Variants in ANK2 observed in about 807,000 individuals in gnomAD.
ANK2 encodes ankyrin-2.
A neutral mutation model predicts 360.5 loss-of-function variants in ANK2; 83 were observed. The observed-to-expected ratio is 0.23, with a 90% CI of 0.19 to 0.28. ANK2 has a LOEUF of 0.28. ANK2 is among the 10% of genes least tolerant of loss of function. The pLI is 1.00. For synonymous variants in ANK2, 1,740 were observed against 1,759.5 expected (o/e 0.99, Z 0.28); for missense variants, 4,201 against 4,795.7 (o/e 0.88, Z 3.66).
chr4:113,341,152 TA>T (rs908258714), intron 32 of ANK2, among the ~76,000 whole-genome samples: 1 of 152,228 alleles, frequency 6.6e-6, no homozygotes, highest in Admixed American at 6.5e-5. Flanking sequence ...GCAGGTTTTT[TA>T]AAATGGTTGG....
chr4:113,061,906 T>G (rs923655352), intron 1 of ANK2, among the ~76,000 whole-genome samples: 9 of 152,126 alleles, frequency 5.9e-5, no homozygotes, highest in African/African-American at 1.9e-4. Flanking sequence ...ATAGATACCC[T>G]GTTTACCCTG....
the ANK2 span, among the ~76,000 whole-genome samples, chr4:112,731,653 A>G: frequency 6.6e-6 from 1 of 152,034 alleles, no homozygotes; most frequent in Admixed American, 6.6e-5. Context: ...GGATTGCTTG[A>G]GCCTGGGAGT....
At chr4:113,370,149 G>T (rs536872264) in intron 43 of ANK2, among the ~76,000 whole-genome samples, 9 of 152,302 alleles carry the variant, frequency 5.9e-5, no homozygotes, top group African/African-American at 2.2e-4. Flanking sequence ...GAGATTAGCA[G>T]CACCAGGTAA....
rs945445891 is a variant in ANK2 at position 113,317,222 on chromosome 4, G to A, written c.2694-485G>A. 2.0e-5 allele frequency among the ~76,000 whole-genome samples: 3 copies of A among 152,164 alleles called. No individual in the cohort carries two copies. The East Asian group carries it at 5.8e-4, about 29-fold the overall frequency. On this transcript the variant is annotated intron_variant, in intron 24 of 45. Transcript: ENST00000357077. Reference sequence around the variant, plus strand: ...ACAGTTTAGAGAGGAGGAGAAAGAGGCATAGAGAGAGAATGGAAAATAATA... The same window carrying A: ...ACAGTTTAGAGAGGAGGAGAAAGAGACATAGAGAGAGAATGGAAAATAATA...
the ANK2 span, among the ~76,000 whole-genome samples, chr4:112,756,765 G>C: frequency 5.3e-5 from 8 of 152,128 alleles, no homozygotes; most frequent in Non-Finnish European, 1.2e-4. Flanking sequence ...CTGAGGTCAG[G>C]AGTTCGAGAC....
chr4:113,188,340 A>C (rs1233870594), intron 2 of ANK2, among the ~76,000 whole-genome samples: 1 of 152,174 alleles, frequency 6.6e-6, no homozygotes, highest in African/African-American at 2.4e-5. Context: ...AATACTTAGG[A>C]AGGTTCTAGT....
intron 19 of ANK2, 100 bp downstream of exon 19, chr4:113,287,803 A>G: frequency 1.1e-6 from 1 of 934,592 alleles, no homozygotes; most frequent in Non-Finnish European, 1.7e-6. Flanking sequence ...TCCCTCCTCA[A>G]GAGTCCATTC....
At chr4:113,066,328 T>C (rs1246530199) in intron 1 of ANK2, among the ~76,000 whole-genome samples, 1 of 152,162 alleles carries the variant, frequency 6.6e-6, no homozygotes, top group Non-Finnish European at 1.5e-5. Flanking sequence ...TTACGAAGGG[T>C]TACTGGTGGG....
intron 31 of ANK2, among the ~76,000 whole-genome samples, chr4:113,338,739 T>C (rs927185967): frequency 2.0e-5 from 3 of 151,740 alleles, no homozygotes; most frequent in Admixed American, 1.3e-4. Flanking sequence ...TTAGTAGAGA[T>C]GGGGTTTCAC....
chr4:112,888,448 T>C (rs1320313414), intron 1 of ANK2, among the ~76,000 whole-genome samples: 1 of 152,060 alleles, frequency 6.6e-6, no homozygotes, highest in Non-Finnish European at 1.5e-5. Context: ...ATTCTGAAAA[T>C]AACAAGGGTT....
At chr4:113,143,894 TC>T (rs772056224) in intron 1 of ANK2, among the ~76,000 whole-genome samples, 6 of 152,216 alleles carry the variant, frequency 3.9e-5, no homozygotes, top group Non-Finnish European at 7.3e-5. Context: ...TTATGATGAA[TC>T]GTTAGTCTAT....
intron 26 of ANK2, among the ~76,000 whole-genome samples, chr4:113,321,763 TA>T (rs987852033): frequency 5.3e-5 from 8 of 152,146 alleles, no homozygotes; most frequent in Admixed American, 5.2e-4. Context: ...GACGAAGTCT[TA>T]CTCTGTCACC....
chr4:113,099,873 A>G (rs1335427841), intron 1 of ANK2, among the ~76,000 whole-genome samples: 1 of 152,076 alleles, frequency 6.6e-6, no homozygotes, highest in African/African-American at 2.4e-5. Context: ...CAATGCAGAA[A>G]TGAGAGTGTT....
chr4:112,750,060 T>G, the ANK2 span, among the ~76,000 whole-genome samples: 1 of 151,846 alleles, frequency 6.6e-6, no homozygotes, highest in South Asian at 2.1e-4. Context: ...TGTAGGTAAC[T>G]TCTAACACAT....
chr4:112,936,596 G>A (rs576301868), intron 2 of ANK2, among the ~76,000 whole-genome samples: 3 of 151,988 alleles, frequency 2.0e-5, no homozygotes, highest in South Asian at 4.2e-4. Context: ...TGCCTGCCTC[G>A]GCTTCCCAAA....
At chr4:113,351,364 C>T (rs1473339676) in intron 37 of ANK2, among the ~76,000 whole-genome samples, 1 of 151,994 alleles carries the variant, frequency 6.6e-6, no homozygotes, top group Non-Finnish European at 1.5e-5. Flanking sequence ...TTGAATGAGG[C>T]TTACCCTCAT....
At chr4:113,369,364 A>G (rs1221402073) in intron 42 of ANK2, 150 bp from the exon 43 acceptor site, 2 of 805,608 alleles carry the variant, frequency 2.5e-6, no homozygotes, top group Non-Finnish European at 4.2e-6. Flanking sequence ...ATTTTTCTTC[A>G]AATGTCCTTT....
chr4:112,924,800 T>C (rs2154226803), intron 2 of ANK2, among the ~76,000 whole-genome samples: 1 of 151,884 alleles, frequency 6.6e-6, no homozygotes, highest in South Asian at 2.1e-4. Context: ...TTCTTCATAC[T>C]TTAATTTCAA....
intron 2 of ANK2, among the ~76,000 whole-genome samples, chr4:113,044,479 CTG>C (rs1266345139): frequency 6.6e-6 from 1 of 152,188 alleles, no homozygotes; most frequent in African/African-American, 2.4e-5. Flanking sequence ...GAAAATATAA[CTG>C]TACTAGTTTC....
Sources: allele counts gnomAD v4.1 joint callset (sites outside exome capture counted in the v4.1 genomes callset), GRCh38; gene constraint gnomAD v4.1.1; transcripts MANE v1.5; gene names NCBI Gene and HGNC (gene_info 2026-07-23, HGNC 2026-07-21).